The following CTNNAL1 variants were observed in gnomAD, a reference collection of about 807,000 sequenced individuals.
The protein encoded by CTNNAL1 is alpha-catulin.
Under a neutral mutation model 93.6 loss-of-function variants are expected in CTNNAL1, and 69 were observed. That is an observed-to-expected ratio of 0.74 (90% CI 0.61 to 0.90). The LOEUF is 0.90. CTNNAL1 is among the 40% of genes least tolerant of loss of function. The pLI, the probability that CTNNAL1 is intolerant of heterozygous loss-of-function variation, is 0.00. For missense variants in CTNNAL1, 836 were observed against 862.0 expected (o/e 0.97, Z 0.38); for synonymous variants, 286 against 305.4 (o/e 0.94, Z 0.66).
rs775448202 is a variant in CTNNAL1, at chr9:108,979,261, A to C, written c.1101+20T>G. The C allele has an allele frequency of 1.2e-6, 2 of 1,613,554 alleles. No homozygotes were observed. The highest frequency in any genetic ancestry group is 2.2e-5 in the South Asian group (2 of 90,982). On this transcript the variant is annotated intron_variant, in intron 7 of 18. Transcript: ENST00000325551. ...AAGCCATTATATAAGATTTACTTTG[A>C]TTTTAAAAAAAGTTCTTACAGCTTG... is the stretch of plus-strand genomic sequence containing the variant.
At chr9:108,993,432 G>A (rs1050063357) in intron 2 of CTNNAL1, among the ~76,000 whole-genome samples, 2 of 152,148 alleles carry the variant, frequency 1.3e-5, no homozygotes, top group South Asian at 2.1e-4. Context: ...TTTGGGTGGG[G>A]AAAGTAAACA....
intron 10 of CTNNAL1, among the ~76,000 whole-genome samples, chr9:108,966,847 C>T (rs555820025): frequency 2.0e-5 from 3 of 152,170 alleles, no homozygotes; most frequent in South Asian, 2.1e-4. Flanking sequence ...TCTTCACACA[C>T]CTCCTGACCT....
In CTNNAL1 at chr9:109,013,293, C is replaced by T. The variant is rs1249761454; in HGVS notation, c.141+9G>A. On this transcript the variant is annotated intron_variant, in intron 1 of 18. Coordinates refer to ENST00000325551, the MANE Select transcript of CTNNAL1 (RefSeq NM_003798.4). ...AGGAGAAGAGGGGCCGCGCCAGGCG[C>T]CACTTTACCTGAGAAACCAGCGGGA... is the stretch of plus-strand genomic sequence containing the variant. 20 of 1,489,758 alleles carry T rather than the reference C, an allele frequency of 1.3e-5. No homozygotes were observed. The highest frequency in any genetic ancestry group is 4.4e-5 in the African/African-American group (3 of 67,646). 92.3% of individuals were successfully genotyped at this position (1,489,758 alleles called of 1,614,324 possible). A position where few individuals can be genotyped will look rare whatever the true frequency, so the allele number is the denominator to read the frequency against.
At position 108,999,165 on chromosome 9, in the gene CTNNAL1, G is replaced by A. The variant is rs752547372; in HGVS notation, c.233C>T (p.Ala78Val). The change falls in exon 2 of 19, where the codon GCA becomes GTA. Residue 78 changes from alanine (A) to valine (V), a missense_variant. Coordinates refer to ENST00000325551, the MANE Select transcript of CTNNAL1 (RefSeq NM_003798.4). ...IQRVGQAVNL[A>V]VGRFVKVGEA... ...TCCTACTTTAACAAATCTTCCAACT[G>A]CCAAGTTGACAGCTTGTCCTACACG... The A allele has an allele frequency of 1.9e-6, 3 of 1,613,436 alleles. No individual in the cohort carries two copies. The highest frequency in any genetic ancestry group is 4.5e-5 in the East Asian group (2 of 44,864).
chr9:108,998,245 T>G (rs1252331294), intron 2 of CTNNAL1, among the ~76,000 whole-genome samples: 1 of 152,146 alleles, frequency 6.6e-6, no homozygotes, highest in Non-Finnish European at 1.5e-5. Context: ...TAGAAGCTAG[T>G]GATGCTGATA....
chr9:108,986,872 GTTGT>G (rs1199483918), intron 4 of CTNNAL1, among the ~76,000 whole-genome samples: 67 of 152,104 alleles, frequency 4.4e-4, no homozygotes, highest in African/African-American at 1.4e-3. Flanking sequence ...TTTTGATGGG[GTTGT>G]TTGTTTTTTT....
chr9:108,972,864 G>GGGGGGGGGGGCGGCCCCCCCCCCCCCC, intron 8 of CTNNAL1, 31 bp from the exon 9 acceptor site: 1 of 142,590 alleles, frequency 7.0e-6, no homozygotes, highest in Non-Finnish European at 1.0e-5. Flanking sequence ...GGGGGGGTGG[G>GGGGGGGGGGGCGGCCCCCCCCCCCCCC]AGGGTGGAGA....
intron 3 of CTNNAL1, among the ~76,000 whole-genome samples, chr9:108,991,263 C>T (rs1831793550): frequency 1.3e-5 from 2 of 151,984 alleles, no homozygotes; most frequent in African/African-American, 2.4e-5. Flanking sequence ...ATGATAGGAA[C>T]CCTAACATTC....
At chr9:108,985,048 G>A (rs779952898) in intron 4 of CTNNAL1, among the ~76,000 whole-genome samples, 1 of 151,312 alleles carries the variant, frequency 6.6e-6, no homozygotes, top group Non-Finnish European at 1.5e-5. Flanking sequence ...TTGTTTTGGT[G>A]GGGGGTGACT....
At chr9:109,004,806 T>C (rs1437477428) in intron 1 of CTNNAL1, among the ~76,000 whole-genome samples, 1 of 151,640 alleles carries the variant, frequency 6.6e-6, no homozygotes, top group Non-Finnish European at 1.5e-5. Flanking sequence ...AATAAATAAA[T>C]AAATAAATAA....
chr9:108,951,574 G>A (rs1387900164), intron 14 of CTNNAL1, among the ~76,000 whole-genome samples: 3 of 152,128 alleles, frequency 2.0e-5, no homozygotes, highest in African/African-American at 7.2e-5. Flanking sequence ...AATTCTAGAA[G>A]GGATTTTTGA....
At chr9:108,975,845 C>T (rs80255527) in intron 8 of CTNNAL1, among the ~76,000 whole-genome samples, 8,048 of 152,106 alleles carry the variant, frequency 0.053, 332 homozygotes, top group East Asian at 0.12. Flanking sequence ...ACTCTACTGA[C>T]GAAAACGGTC....
chr9:108,986,813 G>A (rs1452575545), intron 4 of CTNNAL1, among the ~76,000 whole-genome samples: 1 of 152,224 alleles, frequency 6.6e-6, no homozygotes, highest in Non-Finnish European at 1.5e-5. Flanking sequence ...TCTTTTGGCT[G>A]CATAAATGTC....
chr9:108,971,279 G>T (rs1429130919), intron 9 of CTNNAL1, among the ~76,000 whole-genome samples: 15 of 152,078 alleles, frequency 9.9e-5, no homozygotes, highest in Non-Finnish European at 1.2e-4. Context: ...TGGTGAACAG[G>T]GTATGTTAGA....
At chr9:109,006,317 T>G (rs928662615) in intron 1 of CTNNAL1, among the ~76,000 whole-genome samples, 2 of 152,254 alleles carry the variant, frequency 1.3e-5, no homozygotes, top group African/African-American at 4.8e-5. Context: ...ATCAATTCTT[T>G]TAATGCTTGC....
At chr9:108,995,020 C>A (rs1181178678) in intron 2 of CTNNAL1, among the ~76,000 whole-genome samples, 1 of 152,282 alleles carries the variant, frequency 6.6e-6, no homozygotes, top group East Asian at 1.9e-4. Flanking sequence ...ACACACTGAC[C>A]GCTACCTCAT....
chr9:108,950,466 CA>C, intron 14 of CTNNAL1: 1 of 1,541,082 alleles, frequency 6.5e-7, no homozygotes, highest in Non-Finnish European at 8.7e-7. Context: ...TAAACAGCAG[CA>C]AAATTTCTAA....
At chr9:108,990,674 A>C (rs1831764276) in intron 4 of CTNNAL1, 52 bp downstream of exon 4, 1 of 1,568,780 alleles carries the variant, frequency 6.4e-7, no homozygotes, top group Non-Finnish European at 8.6e-7. Context: ...CCTCCATCCA[A>C]ACTAAAAAGT....
chr9:108,994,049 G>A (rs1831917757), intron 2 of CTNNAL1, among the ~76,000 whole-genome samples: 1 of 152,148 alleles, frequency 6.6e-6, no homozygotes, highest in South Asian at 2.1e-4. Flanking sequence ...GGCCAACATG[G>A]CGAAACTCGG....
Sources: allele counts gnomAD v4.1 joint callset (sites outside exome capture counted in the v4.1 genomes callset), GRCh38; gene constraint gnomAD v4.1.1; transcripts MANE v1.5; gene names NCBI Gene and HGNC (gene_info 2026-07-23, HGNC 2026-07-21).